Variants in HFM1 observed in about 807,000 individuals in gnomAD.
HFM1 encodes helicase for meiosis 1.
HFM1 carries 169 observed loss-of-function variants against 192.1 expected under a neutral mutation model. That is an observed-to-expected ratio of 0.88 (90% CI 0.78 to 1.00). The LOEUF is 1.00. Ranked by LOEUF, HFM1 falls within the 50% of genes least tolerant of loss-of-function variation. The pLI, the probability that HFM1 is intolerant of heterozygous loss-of-function variation, is 0.00. For synonymous variants in HFM1, 525 were observed against 537.8 expected (o/e 0.98, Z 0.33); for missense variants, 1,661 against 1,668.0 (o/e 1.00, Z 0.07).
chr1:91,391,377 C>T (rs1662967985), intron 4 of HFM1, among the ~76,000 whole-genome samples: 1 of 152,198 alleles, frequency 6.6e-6, no homozygotes, highest in African/African-American at 2.4e-5. Context: ...GTAACCAAAA[C>T]AGCATGATAC....
intron 34 of HFM1, among the ~76,000 whole-genome samples, chr1:91,272,625 A>G (rs1357364059): frequency 6.6e-6 from 1 of 152,108 alleles, no homozygotes; most frequent in African/African-American, 2.4e-5. Flanking sequence ...ATGTTGAACA[A>G]AGATAAATAT....
chr1:91,342,151 A>AAAGC (rs58288889), intron 20 of HFM1, among the ~76,000 whole-genome samples: 1 of 111,802 alleles, frequency 8.9e-6, no homozygotes, highest in Non-Finnish European at 1.7e-5. Flanking sequence ...AAAAAAAAAA[A>AAAGC]TTCAGGCGAA....
intron 5 of HFM1, 114 bp downstream of exon 5, chr1:91,385,461 A>C: frequency 1.1e-6 from 1 of 913,864 alleles, no homozygotes; most frequent in Non-Finnish European, 1.7e-6. Flanking sequence ...AAAATGCAGA[A>C]ATTGCACAGA....
At chr1:91,324,570 G>A in intron 21 of HFM1, 105 bp downstream of exon 21, 1 of 629,562 alleles carries the variant, frequency 1.6e-6, no homozygotes, top group Non-Finnish European at 2.8e-6. Context: ...TTTCTTTTCT[G>A]CTCATTCATT....
chr1:91,367,307 T>A (rs1429267278), intron 13 of HFM1, among the ~76,000 whole-genome samples: 1 of 152,062 alleles, frequency 6.6e-6, no homozygotes, highest in African/African-American at 2.4e-5. Flanking sequence ...ACAGACTACC[T>A]CCACAAGTGG....
intron 30 of HFM1, among the ~76,000 whole-genome samples, chr1:91,305,658 C>T (rs1241740957): frequency 1.3e-5 from 2 of 151,846 alleles, no homozygotes; most frequent in Non-Finnish European, 2.9e-5. Context: ...ACTTCGAACA[C>T]CTGGACTCAA....
intron 36 of HFM1, among the ~76,000 whole-genome samples, chr1:91,264,910 T>C (rs1665599835): frequency 6.6e-6 from 1 of 152,218 alleles, no homozygotes; most frequent in South Asian, 2.1e-4. Flanking sequence ...TATCCTTAAA[T>C]AACATCTACC....
intron 3 of HFM1, among the ~76,000 whole-genome samples, chr1:91,394,628 T>C (rs1663427005): frequency 1.3e-5 from 2 of 152,134 alleles, no homozygotes; most frequent in African/African-American, 4.8e-5. Flanking sequence ...AATGTGGAAG[T>C]ATTGAATTAA....
intron 30 of HFM1, among the ~76,000 whole-genome samples, chr1:91,300,104 C>A (rs999875449): frequency 3.3e-5 from 5 of 152,004 alleles, no homozygotes; most frequent in Non-Finnish European, 2.9e-5. Flanking sequence ...AAGGGGATAT[C>A]ACCACCGATC....
chr1:91,343,474 A>T lies in HFM1; in HGVS notation c.2291T>A (p.Leu764Gln), dbSNP rs1655676638. 6.9e-7 allele frequency: 1 copy of T among 1,440,900 alleles called. No individual in the cohort carries two copies. Among genetic ancestry groups the T allele is most frequent in the African/African-American group, 1.4e-5 (1 of 70,374 alleles). The allele number at this position is 1,440,900 out of a possible 1,614,324, so 89.3% of individuals were successfully genotyped here. Reference protein sequence around the residue: ...CLKNLNDLSSLDLIKMDEGVN... With the variant: ...CLKNLNDLSSQDLIKMDEGVN... ...ACCTTCATCCATCTTTATTAAGTCC[A>T]GGGATGATAAATCATTCAGATTCTT... Residue 764 changes from leucine to glutamine, a missense_variant, in exon 20 of 39, where the codon CTG becomes CAG. Coordinates refer to ENST00000370425, the MANE Select transcript of HFM1 (RefSeq NM_001017975.6).
chr1:91,261,625 G>A (rs1364157576), intron 38 of HFM1: 14 of 223,712 alleles, frequency 6.3e-5, no homozygotes, highest in Non-Finnish European at 7.8e-5. Flanking sequence ...GGTGTGAATG[G>A]CCTGGTCCAA....
intron 20 of HFM1, among the ~76,000 whole-genome samples, chr1:91,333,984 G>A (rs1433649997): frequency 6.6e-6 from 1 of 152,160 alleles, no homozygotes; most frequent in East Asian, 1.9e-4. Context: ...AATGGTCAGT[G>A]TAGAGTGGCC....
upstream of HFM1, among the ~76,000 whole-genome samples, chr1:91,405,932 T>C (rs1419465870): frequency 2.6e-5 from 4 of 152,222 alleles, no homozygotes; most frequent in Admixed American, 6.5e-5. Context: ...ATAGACTGCA[T>C]AGAGGAAAAT....
At chr1:91,374,809 T>C (rs1297789704) in intron 13 of HFM1, among the ~76,000 whole-genome samples, 2 of 152,146 alleles carry the variant, frequency 1.3e-5, no homozygotes, top group African/African-American at 2.4e-5. Flanking sequence ...ATGTGGGAAT[T>C]CATAGACATG....
At chr1:91,278,447 T>G (rs1473248680) in intron 30 of HFM1, among the ~76,000 whole-genome samples, 1 of 152,072 alleles carries the variant, frequency 6.6e-6, no homozygotes, top group Non-Finnish European at 1.5e-5. Flanking sequence ...ATATTCCAGG[T>G]GGAGGGCAAA....
chr1:91,384,562 T>C (rs1661943108), intron 6 of HFM1, among the ~76,000 whole-genome samples: 1 of 152,092 alleles, frequency 6.6e-6, no homozygotes, highest in Admixed American at 6.6e-5. Context: ...TCAACCCAAT[T>C]TGGCTGCTCT....
At chr1:91,296,554 G>GACA (rs1024508007) in intron 30 of HFM1, among the ~76,000 whole-genome samples, 1 of 151,936 alleles carries the variant, frequency 6.6e-6, no homozygotes, top group Non-Finnish European at 1.5e-5. Flanking sequence ...AAAAAAAAAT[G>GACA]ACAACAACAA....
intron 13 of HFM1, among the ~76,000 whole-genome samples, chr1:91,368,508 G>A (rs1367221384): frequency 6.6e-6 from 1 of 152,156 alleles, no homozygotes; most frequent in Non-Finnish European, 1.5e-5. Context: ...AGCTTCATAA[G>A]TGAAGGAGAA....
At chr1:91,291,540 T>A (rs1246767133) in intron 30 of HFM1, among the ~76,000 whole-genome samples, 2 of 152,134 alleles carry the variant, frequency 1.3e-5, no homozygotes, top group Non-Finnish European at 2.9e-5. Flanking sequence ...TAACAGGAGC[T>A]GAAATTGTGG....
Sources: gnomAD v4.1 joint callset for allele counts (sites outside exome capture counted in the v4.1 genomes callset) on GRCh38, gnomAD v4.1.1 for gene constraint, MANE v1.5 for transcripts, NCBI Gene and HGNC (gene_info 2026-07-23, HGNC 2026-07-21) for gene names.